The following C12orf42 variants were observed in gnomAD, a reference collection of about 807,000 sequenced individuals.
The protein encoded by C12orf42 is uncharacterized protein C12orf42.
C12orf42 carries 25 observed loss-of-function variants against 21.6 expected under a neutral mutation model. That is an observed-to-expected ratio of 1.16 (90% CI 0.84 to 1.62). The LOEUF (loss-of-function observed/expected upper bound fraction) is 1.62. Ranked by LOEUF, C12orf42 falls within the 40% of genes most tolerant of loss-of-function variation. C12orf42 has a pLI of 0.00. For missense variants in C12orf42, 483 were observed against 459.3 expected (o/e 1.05, Z -0.47); for synonymous variants, 174 against 175.0 (o/e 0.99, Z 0.05).
intron 2 of C12orf42, among the ~76,000 whole-genome samples, chr12:103,438,676 A>C (rs2139500055): frequency 6.6e-6 from 1 of 152,174 alleles, no homozygotes; most frequent in East Asian, 1.9e-4. Context: ...AAGAGAATAA[A>C]ATACCTAGGA....
chr12:103,290,194 A>G (rs2036707420), intron 4 of C12orf42, among the ~76,000 whole-genome samples: 1 of 152,200 alleles, frequency 6.6e-6, no homozygotes, highest in Admixed American at 6.6e-5. Flanking sequence ...AACAGTTCAA[A>G]GCATATTGCA....
At chr12:103,410,581 G>C (rs2048760606) in intron 2 of C12orf42, among the ~76,000 whole-genome samples, 1 of 152,152 alleles carries the variant, frequency 6.6e-6, no homozygotes, top group Non-Finnish European at 1.5e-5. Flanking sequence ...AGGATGGATG[G>C]GGAATATCTA....
At chr12:103,304,207 C>T (rs561942812) in intron 5 of C12orf42, among the ~76,000 whole-genome samples, 1 of 152,266 alleles carries the variant, frequency 6.6e-6, no homozygotes, top group South Asian at 2.1e-4. Flanking sequence ...AATTATATTA[C>T]CTACTTCACA....
intron 2 of C12orf42, among the ~76,000 whole-genome samples, chr12:103,407,490 C>A (rs1374460347): frequency 1.3e-5 from 2 of 152,122 alleles, no homozygotes. Context: ...TTCACTTCTA[C>A]TTAACAAATA....
the C12orf42 span, among the ~76,000 whole-genome samples, chr12:103,089,489 C>T: frequency 2.0e-5 from 3 of 152,234 alleles, no homozygotes; most frequent in South Asian, 6.2e-4. Context: ...TTCATACTGG[C>T]CCGTAAGAAA....
chr12:103,533,523 G>T, the C12orf42 span, among the ~76,000 whole-genome samples: 3 of 152,154 alleles, frequency 2.0e-5, no homozygotes, highest in Non-Finnish European at 2.9e-5. Flanking sequence ...GCCATGCCAG[G>T]CATGGTCTGG....
At chr12:103,176,106 C>G in the C12orf42 span, among the ~76,000 whole-genome samples, 1 of 152,100 alleles carries the variant, frequency 6.6e-6, no homozygotes, top group African/African-American at 2.4e-5. Flanking sequence ...CACCTCCCCC[C>G]AGTTCAATAC....
At chr12:103,128,446 G>T in the C12orf42 span, among the ~76,000 whole-genome samples, 1 of 152,288 alleles carries the variant, frequency 6.6e-6, no homozygotes, top group East Asian at 1.9e-4. Flanking sequence ...AGAGAAGTGG[G>T]TTTAAAGTTT....
downstream of C12orf42, among the ~76,000 whole-genome samples, chr12:103,299,059 A>G (rs746703162): frequency 4.6e-5 from 7 of 152,206 alleles, no homozygotes; most frequent in Non-Finnish European, 8.8e-5. Flanking sequence ...ACCGCAGGGT[A>G]TAAAAACTGA....
chr12:103,083,483 G>A, the C12orf42 span, among the ~76,000 whole-genome samples: 1 of 152,160 alleles, frequency 6.6e-6, no homozygotes, highest in Non-Finnish European at 1.5e-5. Flanking sequence ...CCCAAAAAAT[G>A]TGTGAGGCAA....
intron 1 of C12orf42, among the ~76,000 whole-genome samples, chr12:103,483,784 G>A (rs184177525): frequency 6.6e-6 from 1 of 151,936 alleles, no homozygotes; most frequent in African/African-American, 2.4e-5. Context: ...TTTACATTAG[G>A]TGTTTCTCCT....
the C12orf42 span, among the ~76,000 whole-genome samples, chr12:103,124,149 C>G: frequency 8.4e-6 from 1 of 119,390 alleles, no homozygotes; most frequent in Non-Finnish European, 1.7e-5. Flanking sequence ...CTAATCCAAA[C>G]ATAAGCTTTT....
chr12:103,250,121 A>G (rs1158260735), intron 10 of C12orf42, among the ~76,000 whole-genome samples: 1 of 151,700 alleles, frequency 6.6e-6, no homozygotes, highest in African/African-American at 2.4e-5. Context: ...GATTTTCTAA[A>G]GAAGTATAGT....
chr12:103,485,083 A>T (rs1351487470), intron 1 of C12orf42, among the ~76,000 whole-genome samples: 2 of 151,978 alleles, frequency 1.3e-5, no homozygotes, highest in African/African-American at 4.8e-5. Flanking sequence ...GTTAGCCAGG[A>T]TGGTCTCAAT....
At chr12:103,370,579 C>T (rs1245456181) in intron 3 of C12orf42, among the ~76,000 whole-genome samples, 1 of 151,862 alleles carries the variant, frequency 6.6e-6, no homozygotes, top group Admixed American at 6.6e-5. Context: ...GTTTTTTGCA[C>T]CAATATGGAT....
At chr12:103,372,692 C>A (rs2045360169) in intron 3 of C12orf42, among the ~76,000 whole-genome samples, 3 of 152,078 alleles carry the variant, frequency 2.0e-5, no homozygotes, top group African/African-American at 7.2e-5. Context: ...TTGCCCTCAA[C>A]CCCATCTCAC....
the C12orf42 span, among the ~76,000 whole-genome samples, chr12:103,160,293 C>T: frequency 1.3e-5 from 2 of 152,110 alleles, no homozygotes; most frequent in African/African-American, 4.8e-5. Context: ...TTCTTATGAG[C>T]AAAACTACCA....
chr12:103,466,531 A>G (rs529388183), intron 2 of C12orf42, among the ~76,000 whole-genome samples: 1 of 151,814 alleles, frequency 6.6e-6, no homozygotes, highest in South Asian at 2.1e-4. Context: ...CACTTTTAAT[A>G]ATAGGTTATA....
the C12orf42 span, among the ~76,000 whole-genome samples, chr12:103,079,220 C>G: frequency 1.3e-5 from 2 of 151,862 alleles, no homozygotes; most frequent in Non-Finnish European, 2.9e-5. Context: ...CAGGTAATAC[C>G]AAATGGACAA....
Sources: gnomAD v4.1 joint callset for allele counts (sites outside exome capture counted in the v4.1 genomes callset) on GRCh38, gnomAD v4.1.1 for gene constraint, MANE v1.5 for transcripts, NCBI Gene and HGNC (gene_info 2026-07-23, HGNC 2026-07-21) for gene names.